The following SNRPA variants were observed in gnomAD, a reference collection of about 807,000 sequenced individuals.
SNRPA encodes small nuclear ribonucleoprotein polypeptide A.
A neutral mutation model predicts 24.5 loss-of-function variants in SNRPA; 10 were observed. The ratio of observed to expected loss-of-function variants is 0.41; its 90% CI spans 0.25 to 0.69. The LOEUF (loss-of-function observed/expected upper bound fraction) is 0.69. Ranked by LOEUF, SNRPA falls within the 30% of genes least tolerant of loss-of-function variation. The probability of loss-of-function intolerance (pLI) is 0.33; values close to 1 mark genes in which losing one functional copy is unlikely to be tolerated. For missense variants in SNRPA, 283 were observed against 394.7 expected (o/e 0.72, Z 2.40); for synonymous variants, 165 against 148.4 (o/e 1.11, Z -0.81).
intron 1 of SNRPA, among the ~76,000 whole-genome samples, chr19:40,752,756 G>GA (rs11364402): frequency 4.0e-5 from 6 of 148,956 alleles, no homozygotes; most frequent in Admixed American, 6.7e-5. Context: ...CTGAAAAAAG[G>GA]AAAAAAAAAA....
chr19:40,752,350 A>T (rs1420183446), intron 1 of SNRPA, among the ~76,000 whole-genome samples: 1 of 151,916 alleles, frequency 6.6e-6, no homozygotes, highest in East Asian at 1.9e-4. Context: ...AAAAAAAAGA[A>T]AGAAAAGAAA....
chr19:40,751,533 C>T (rs769363563), intron 1 of SNRPA, 52 bp downstream of exon 1: 17 of 1,299,038 alleles, frequency 1.3e-5, no homozygotes, highest in Middle Eastern at 1.9e-4. Context: ...GGGCTGGCCC[C>T]TCTTCCGTCC....
intron 5 of SNRPA, 59 bp downstream of exon 5, chr19:40,763,734 T>C (rs1328430050): frequency 1.5e-6 from 2 of 1,366,324 alleles, no homozygotes; most frequent in Non-Finnish European, 2.1e-6. Context: ...GGCATCTCCA[T>C]GGAAACAGGC....
At chr19:40,760,886 C>T (rs913796324) in intron 3 of SNRPA, among the ~76,000 whole-genome samples, 1 of 152,204 alleles carries the variant, frequency 6.6e-6, no homozygotes. Flanking sequence ...CTGCAGTGAA[C>T]AGTGGTTTTG....
chr19:40,757,017 C>T, intron 1 of SNRPA: 1 of 313,702 alleles, frequency 3.2e-6, no homozygotes. Context: ...AGGCCCATGT[C>T]AGGGTGCTGG....
At chr19:40,763,474 G>A (rs2082941669) in intron 4 of SNRPA, 113 bp from the exon 5 acceptor site, 4 of 838,916 alleles carry the variant, frequency 4.8e-6, no homozygotes, top group Admixed American at 3.5e-5. Context: ...TATGTTGGGT[G>A]GAAGTACCAG....
rs749279557 is a variant in SNRPA, at chr19:40,759,583, G to T, written c.399G>T (p.Val133=). The change falls in exon 3 of 6, where the codon GTG becomes GTT. Residue 133 remains valine, a synonymous_variant. Transcript: ENST00000243563. The stretch of plus-strand genomic sequence containing the variant: ...TGCAAGGCGGGGGAGCCACCCCCGT[G>T]GTGGGGGCTGTCCAGGGGCCTGTCC... ...KAVQGGGATP[V]VGAVQGPVPG... The T allele has an allele frequency of 4.3e-6, 7 of 1,612,594 alleles. No individual in the cohort carries two copies. Among genetic ancestry groups the T allele is most frequent in the Non-Finnish European group, 5.9e-6 (7 of 1,179,630 alleles).
chr19:40,764,696 GGGTATTGGTTATTTTTTT>G (rs2145017750), intron 5 of SNRPA, among the ~76,000 whole-genome samples: 1 of 152,284 alleles, frequency 6.6e-6, no homozygotes, highest in African/African-American at 2.4e-5. Flanking sequence ...GAAAAAGTGA[GGGTATTGGTTATTTTTTT>G]GGTGTGGCGG....
intron 4 of SNRPA, 148 bp downstream of exon 4, chr19:40,763,222 TG>T: frequency 1.6e-6 from 1 of 626,302 alleles, no homozygotes. Flanking sequence ...GCAGTGGGGG[TG>T]GGCCCTGGGC....
intron 3 of SNRPA, among the ~76,000 whole-genome samples, chr19:40,761,930 C>T (rs774259465): frequency 1.3e-5 from 2 of 152,116 alleles, no homozygotes; most frequent in Non-Finnish European, 2.9e-5. Context: ...TCTGAGCCTC[C>T]GTGTCTCTCT....
chr19:40,756,236 T>TC lies in SNRPA; in HGVS notation c.74-1094dup, dbSNP rs1347355971. Reference sequence around the variant, plus strand: ...GTAAGCTACCATCATGCCACTGAACTCCACCCTGAGCAGTAGAAGGAGATT... The same window carrying TC: ...GTAAGCTACCATCATGCCACTGAACTCCCACCCTGAGCAGTAGAAGGAGATT... On this transcript the variant is annotated intron_variant, in intron 1 of 5. Transcript: ENST00000243563. Among the ~76,000 whole-genome samples the TC allele has an allele frequency of 2.0e-5, 3 of 150,048 alleles. No homozygotes were observed. The East Asian group carries it at 5.9e-4, about 30-fold the overall frequency.
At chr19:40,753,176 G>A (rs1293437645) in intron 1 of SNRPA, among the ~76,000 whole-genome samples, 5 of 152,046 alleles carry the variant, frequency 3.3e-5, no homozygotes, top group African/African-American at 9.6e-5. Flanking sequence ...CCAAGATGGT[G>A]AAACCCCGTC....
At chr19:40,753,342 CTG>C in intron 1 of SNRPA, among the ~76,000 whole-genome samples, 1 of 126,880 alleles carries the variant, frequency 7.9e-6, no homozygotes, top group East Asian at 2.2e-4. Flanking sequence ...GTGATAGAGA[CTG>C]TCTCAAAAAA....
chr19:40,751,609 C>G, intron 1 of SNRPA, 128 bp downstream of exon 1: 1 of 740,046 alleles, frequency 1.4e-6, no homozygotes, highest in Non-Finnish European at 2.4e-6. Context: ...TTGGCCTTTA[C>G]ACAAACTACT....
Position 40,765,258 on chromosome 19 carries a change from G to A in SNRPA, c.*91G>A, listed in dbSNP as rs2082949375. ...CCCCCTGAAGGTAAGTCCCCCCTTG[G>A]GGGCCTTCTTGGAGCCGTGTGTGAG... On this transcript the variant is annotated 3_prime_UTR_variant, in exon 6 of 6. Coordinates refer to ENST00000243563, the MANE Select transcript of SNRPA (RefSeq NM_004596.5). The A allele has an allele frequency of 1.1e-6, 1 of 886,682 alleles. No homozygotes were observed. Among genetic ancestry groups the A allele is most frequent in the East Asian group, 3.3e-5 (1 of 30,552 alleles). The allele number at this position is 886,682 out of a possible 1,614,324, so 54.9% of individuals were successfully genotyped here. A position where few individuals can be genotyped will look rare whatever the true frequency, so the allele number is the denominator to read the frequency against.
chr19:40,752,579 CAAAAAAAAAAAA>C (rs59705765), intron 1 of SNRPA, among the ~76,000 whole-genome samples: 2 of 61,280 alleles, frequency 3.3e-5, no homozygotes, highest in Non-Finnish European at 5.9e-5. Context: ...CTTTTCTCTA[CAAAAAAAAAAAA>C]AAAAAAAAAA....
intron 1 of SNRPA, among the ~76,000 whole-genome samples, chr19:40,755,272 T>TTTTTTTTTTTTTTTTG (rs2082904030): frequency 6.8e-6 from 1 of 147,918 alleles, no homozygotes; most frequent in African/African-American, 2.5e-5. Context: ...TTTTTTTTTT[T>TTTTTTTTTTTTTTTTG]TTTTTTTTTG....
chr19:40,762,425 C>T (rs1423541247), intron 3 of SNRPA, among the ~76,000 whole-genome samples: 3 of 152,076 alleles, frequency 2.0e-5, no homozygotes, highest in African/African-American at 7.2e-5. Context: ...CCATGTTGCC[C>T]AGGCTGGTCT....
In SNRPA at chr19:40,751,398, C is replaced by T. The variant is rs750032542; in HGVS notation, c.-11C>T. On this transcript the variant is annotated 5_prime_UTR_variant, in exon 1 of 6. Coordinates refer to ENST00000243563, the MANE Select transcript of SNRPA (RefSeq NM_004596.5). Reference sequence around the variant, plus strand: ...TTTCCTCCTTTAAGACTTACCTCAACACTTCACTCCATGGCAGTTCCCGAG... The same window carrying T: ...TTTCCTCCTTTAAGACTTACCTCAATACTTCACTCCATGGCAGTTCCCGAG... 6.2e-6 allele frequency: 10 copies of T among 1,606,460 alleles called. No homozygotes were observed. In the East Asian group the frequency reaches 2.0e-4, roughly 32 times the overall value.
Sources: gnomAD v4.1 joint callset for allele counts (sites outside exome capture counted in the v4.1 genomes callset) on GRCh38, gnomAD v4.1.1 for gene constraint, MANE v1.5 for transcripts, NCBI Gene and HGNC (gene_info 2026-07-23, HGNC 2026-07-21) for gene names.